Variants in AKAP13 observed in about 807,000 individuals in gnomAD.
The protein encoded by AKAP13 is A-kinase anchor protein 13.
In AKAP13, 80 loss-of-function variants were observed where a neutral mutation model predicts 264.5. The ratio of observed to expected loss-of-function variants is 0.30; its 90% CI spans 0.25 to 0.36. AKAP13 has a LOEUF of 0.36. Among genes scored for constraint, AKAP13 ranks in the 10% least tolerant of loss-of-function variants. AKAP13 has a pLI of 1.00. For missense variants in AKAP13, 3,712 were observed against 3,435.2 expected, an observed-to-expected ratio of 1.08 and a Z score of -2.01; for synonymous variants, 1,380 against 1,250.2, an observed-to-expected ratio of 1.10 and a Z score of -2.19.
At chr15:85,638,047 T>G (rs1024421136) in intron 8 of AKAP13, among the ~76,000 whole-genome samples, 12 of 118,604 alleles carry the variant, frequency 1.0e-4, no homozygotes, top group African/African-American at 5.0e-4. Context: ...CCTGGCTAAT[T>G]TTTTTGTATT....
chr15:85,630,169 A>T (rs1361138344), intron 8 of AKAP13, among the ~76,000 whole-genome samples: 1 of 46,218 alleles, frequency 2.2e-5, no homozygotes, highest in African/African-American at 1.3e-4. Flanking sequence ...TAACACATAC[A>T]CACACACACA....
chr15:85,405,905 A>C (rs1390997945), intron 1 of AKAP13, among the ~76,000 whole-genome samples: 1 of 151,954 alleles, frequency 6.6e-6, no homozygotes, highest in Non-Finnish European at 1.5e-5. Flanking sequence ...GTTAGAGTAC[A>C]CTGGTGATCA....
chr15:85,601,650 T>TGTGTGTGTGTGTGTGTG (rs1567149369), intron 8 of AKAP13, among the ~76,000 whole-genome samples: 4 of 35,616 alleles, frequency 1.1e-4, no homozygotes, highest in African/African-American at 2.4e-4. Flanking sequence ...GTGTGTGTGT[T>TGTGTGTGTGTGTGTGTG]TTTCTTCCAG....
At chr15:85,488,551 T>C (rs745695667) in intron 2 of AKAP13, among the ~76,000 whole-genome samples, 1 of 152,230 alleles carries the variant, frequency 6.6e-6, no homozygotes, top group Non-Finnish European at 1.5e-5. Context: ...TTTTCATACT[T>C]GATTAAGTTG....
chr15:85,493,804 G>T (rs750678849), intron 2 of AKAP13, among the ~76,000 whole-genome samples: 4 of 152,116 alleles, frequency 2.6e-5, no homozygotes, highest in Non-Finnish European at 4.4e-5. Context: ...GGTAAGGGAC[G>T]AGGGATGCTG....
At chr15:85,585,317 A>T (rs140716590) in intron 7 of AKAP13, among the ~76,000 whole-genome samples, 2 of 151,946 alleles carry the variant, frequency 1.3e-5, no homozygotes, top group Non-Finnish European at 2.9e-5. Context: ...TGCTTTTTTG[A>T]TGATGGCCAA....
rs889798160 is a variant in AKAP13, at chr15:85,665,548, C to T, written c.4992+793C>T. 1.3e-5 allele frequency among the ~76,000 whole-genome samples: 2 copies of T among 152,154 alleles called. 1 individual carries two copies. Among genetic ancestry groups the T allele is most frequent in the Admixed American group, 1.3e-4 (2 of 15,280 alleles). On this transcript the variant is annotated intron_variant, in intron 13 of 36. Transcript: ENST00000394518. Reference sequence around the variant, plus strand: ...TTTTTAAAAAATTATTATTTTTACACTTTAAGTTCTAGGGTACATGTGCAC... The same window carrying T: ...TTTTTAAAAAATTATTATTTTTACATTTTAAGTTCTAGGGTACATGTGCAC...
intron 18 of AKAP13, among the ~76,000 whole-genome samples, chr15:85,710,208 T>A (rs2086561816): frequency 6.6e-6 from 1 of 152,078 alleles, no homozygotes; most frequent in Admixed American, 6.5e-5. Context: ...GCACCAGCAA[T>A]CTACTGGGGA....
At chr15:85,437,668 C>T (rs1369695478) in intron 1 of AKAP13, among the ~76,000 whole-genome samples, 7 of 152,132 alleles carry the variant, frequency 4.6e-5, no homozygotes, top group Non-Finnish European at 7.3e-5. Context: ...GTTCAATATA[C>T]GCAAATCAAT....
At chr15:85,411,090 T>A (rs2071941601) in intron 1 of AKAP13, among the ~76,000 whole-genome samples, 1 of 152,180 alleles carries the variant, frequency 6.6e-6, no homozygotes, top group African/African-American at 2.4e-5. Flanking sequence ...ATGAAAACAT[T>A]ATTTACCTTT....
chr15:85,609,130 T>A (rs1194324911), intron 8 of AKAP13, among the ~76,000 whole-genome samples: 2 of 152,202 alleles, frequency 1.3e-5, no homozygotes, highest in African/African-American at 4.8e-5. Context: ...GATGAAAACA[T>A]TCAAAATCCT....
At chr15:85,525,509 A>G (rs1463630690) in intron 3 of AKAP13, among the ~76,000 whole-genome samples, 4 of 152,254 alleles carry the variant, frequency 2.6e-5, no homozygotes, top group Non-Finnish European at 5.9e-5. Flanking sequence ...CCAAAGCGTT[A>G]TAATAAAATA....
chr15:85,403,971 C>G (rs1052975590), intron 1 of AKAP13, among the ~76,000 whole-genome samples: 2 of 152,052 alleles, frequency 1.3e-5, no homozygotes, highest in Middle Eastern at 3.2e-3. Context: ...TGCCCTGAGG[C>G]TTGAAGGATT....
At position 85,510,915 on chromosome 15, in the gene AKAP13, A is replaced by G. The variant is rs184315309; in HGVS notation, c.34-10513A>G. Among the ~76,000 whole-genome samples, 784 of 152,230 alleles carry G rather than the reference A, an allele frequency of 5.2e-3. 4 individuals are homozygous for G. The highest frequency in any genetic ancestry group is 8.1e-3 in the Non-Finnish European group (554 of 68,004). On this transcript the variant is annotated intron_variant, in intron 2 of 36. Coordinates refer to ENST00000394518, the MANE Select transcript of AKAP13 (RefSeq NM_007200.5). ...ACTTGTGACTGCCATTAATAGAGAGAGATATGGCAAATCCCATGTTTTTAG... is the reference window on the plus strand; with the variant it reads ...ACTTGTGACTGCCATTAATAGAGAGGGATATGGCAAATCCCATGTTTTTAG...
chr15:85,524,827 G>C (rs1567104959), intron 3 of AKAP13, among the ~76,000 whole-genome samples: 1 of 151,644 alleles, frequency 6.6e-6, no homozygotes, highest in Non-Finnish European at 1.5e-5. Context: ...AAGTGTGTGT[G>C]TGTCTGTCTG....
At chr15:85,486,732 T>C (rs2075560591) in intron 2 of AKAP13, among the ~76,000 whole-genome samples, 1 of 137,878 alleles carries the variant, frequency 7.3e-6, no homozygotes, top group African/African-American at 2.7e-5. Flanking sequence ...ATCTTAATTG[T>C]TCAGTTCTTT....
chr15:85,581,970 G>A lies in AKAP13; in HGVS notation c.3902G>A (p.Ser1301Asn), dbSNP rs777830191. 3.7e-6 allele frequency: 6 copies of A among 1,614,074 alleles called. No individual in the cohort carries two copies. In the South Asian group the frequency reaches 6.6e-5, roughly 18 times the overall value. ...GLESAFTEKV[S>N]TFPPGESLPM... ...GAGAGTGCTTTTACAGAAAAAGTGA[G>A]TACTTTCCCACCTGGGGAGAGCCTA... Residue 1301 changes from serine (S) to asparagine (N), a missense_variant, in exon 7 of 37, where the codon AGT becomes AAT. Transcript: ENST00000394518.
intron 36 of AKAP13, 133 bp from the exon 37 acceptor site, chr15:85,744,495 T>C (rs1395679039): frequency 2.2e-6 from 2 of 915,882 alleles, no homozygotes; most frequent in Non-Finnish European, 3.6e-6. Flanking sequence ...GAAACCCCGG[T>C]GCGCAGAAGA....
Position 85,655,614 on chromosome 15 carries a change from G to T in AKAP13, c.4572G>T (p.Glu1524Asp), listed in dbSNP as rs1399938454. 6.2e-7 allele frequency: 1 copy of T among 1,614,128 alleles called. No homozygotes were observed. The highest frequency in any genetic ancestry group is 1.3e-5 in the African/African-American group (1 of 74,938). ...TGGGAGCTGAGGGTCGAGAAAGTGA[G>T]AGTGAGCCTGCTGACCCAGGCGACG... Reference protein sequence around the residue: ...HGMGAEGRESESEPADPGDVE... With the variant: ...HGMGAEGRESDSEPADPGDVE... The change falls in exon 11 of 37, where the codon GAG (glutamate) becomes GAT (aspartate). Residue 1524 changes from glutamate to aspartate, a missense_variant. Glu to Asp is a conservative substitution (Grantham distance 45, BLOSUM62 2). Coordinates refer to ENST00000394518, the MANE Select transcript of AKAP13 (RefSeq NM_007200.5).
Sources: allele counts gnomAD v4.1 joint callset (sites outside exome capture counted in the v4.1 genomes callset), GRCh38; gene constraint gnomAD v4.1.1; transcripts MANE v1.5; gene names NCBI Gene and HGNC (gene_info 2026-07-23, HGNC 2026-07-21).